Variants in SSBP2 observed in about 807,000 individuals in gnomAD.
SSBP2 encodes single stranded DNA binding protein 2.
A neutral mutation model predicts 61.8 loss-of-function variants in SSBP2; 17 were observed. The observed-to-expected ratio is 0.28, with a 90% CI of 0.19 to 0.41. The LOEUF (loss-of-function observed/expected upper bound fraction) is 0.41, where lower values mean the gene tolerates loss of function less well. Among genes scored for constraint, SSBP2 ranks in the 10% least tolerant of loss-of-function variants. SSBP2 has a pLI of 1.00. For missense variants in SSBP2, 310 were observed against 458.7 expected (o/e 0.68, Z 2.96); for synonymous variants, 139 against 141.3 (o/e 0.98, Z 0.12).
chr5:81,527,076 C>T (rs887460226), intron 4 of SSBP2, among the ~76,000 whole-genome samples: 9 of 151,724 alleles, frequency 5.9e-5, no homozygotes, highest in African/African-American at 1.5e-4. Flanking sequence ...TGACAGAATA[C>T]AAGATATATT....
intron 4 of SSBP2, among the ~76,000 whole-genome samples, chr5:81,577,143 G>C (rs1039625385): frequency 6.6e-6 from 1 of 152,018 alleles, no homozygotes; most frequent in South Asian, 2.1e-4. Context: ...TATGAGCCGT[G>C]TGTAATCAAT....
chr5:81,659,443 G>C (rs1412015299), intron 1 of SSBP2, among the ~76,000 whole-genome samples: 1 of 151,966 alleles, frequency 6.6e-6, no homozygotes, highest in Admixed American at 6.6e-5. Flanking sequence ...AAAATACCTA[G>C]GAATACAACT....
intron 4 of SSBP2, among the ~76,000 whole-genome samples, chr5:81,564,685 T>A (rs1047639816): frequency 2.6e-5 from 4 of 152,234 alleles, no homozygotes; most frequent in Non-Finnish European, 5.9e-5. Flanking sequence ...AGGGTTAGTC[T>A]TGTAGTCAGC....
intron 4 of SSBP2, among the ~76,000 whole-genome samples, chr5:81,552,080 T>C (rs972806888): frequency 2.6e-5 from 4 of 152,254 alleles, no homozygotes; most frequent in Non-Finnish European, 4.4e-5. Context: ...ATATTGGATA[T>C]GGCTTATTTT....
intron 2 of SSBP2, among the ~76,000 whole-genome samples, chr5:81,648,630 A>AG (rs1335375984): frequency 6.6e-6 from 1 of 152,144 alleles, no homozygotes; most frequent in African/African-American, 2.4e-5. Context: ...GATTTCAAGC[A>AG]GCACTGTCCA....
Position 81,641,203 on chromosome 5 carries a change from C to T in SSBP2, c.136-4585G>A, listed in dbSNP as rs190791390. Among the ~76,000 whole-genome samples, 244 of 152,262 alleles carry T rather than the reference C, an allele frequency of 1.6e-3. 3 individuals carry two copies. The Middle Eastern group carries it at 0.048, about 30-fold the overall frequency. On this transcript the variant is annotated intron_variant, in intron 2 of 16. Coordinates refer to ENST00000320672, the MANE Select transcript of SSBP2 (RefSeq NM_012446.5). Reference sequence around the variant, plus strand: ...TCCCCTCATGCACTTCCACAACTTCCACAGTCCATCTCCAGCTGTCTCGGG... The same window carrying T: ...TCCCCTCATGCACTTCCACAACTTCTACAGTCCATCTCCAGCTGTCTCGGG...
chr5:81,728,031 G>C (rs1007172858), intron 1 of SSBP2, among the ~76,000 whole-genome samples: 2 of 152,134 alleles, frequency 1.3e-5, no homozygotes, highest in Non-Finnish European at 2.9e-5. Flanking sequence ...CATATTCAAG[G>C]ACTGAAAGAA....
intron 1 of SSBP2, among the ~76,000 whole-genome samples, chr5:81,654,088 C>T (rs1227712536): frequency 2.6e-5 from 4 of 151,796 alleles, no homozygotes; most frequent in African/African-American, 9.7e-5. Flanking sequence ...CTCAGCCTCC[C>T]GAGCAGCTTG....
chr5:81,470,466 C>T (rs1174030866), intron 8 of SSBP2, among the ~76,000 whole-genome samples: 2 of 150,888 alleles, frequency 1.3e-5, no homozygotes, highest in South Asian at 4.2e-4. Context: ...TTGGGGCAAA[C>T]CTTTATTTCT....
chr5:81,721,041 A>G (rs1297848145), intron 1 of SSBP2, among the ~76,000 whole-genome samples: 1 of 152,200 alleles, frequency 6.6e-6, no homozygotes, highest in Non-Finnish European at 1.5e-5. Context: ...TTAAAAACAA[A>G]ACTAAATGGA....
intron 5 of SSBP2, among the ~76,000 whole-genome samples, chr5:81,505,093 C>T (rs1768079209): frequency 6.6e-6 from 1 of 152,234 alleles, no homozygotes; most frequent in Non-Finnish European, 1.5e-5. Flanking sequence ...TTATCACATT[C>T]ATGTAGAACA....
chr5:81,449,989 G>A (rs777468145), intron 10 of SSBP2, among the ~76,000 whole-genome samples: 16 of 152,060 alleles, frequency 1.1e-4, no homozygotes, highest in Non-Finnish European at 2.2e-4. Flanking sequence ...TTGCTCTCTT[G>A]GGTCCCTTTC....
At chr5:81,675,513 C>G (rs536478203) in intron 1 of SSBP2, among the ~76,000 whole-genome samples, 1 of 152,256 alleles carries the variant, frequency 6.6e-6, no homozygotes, top group East Asian at 1.9e-4. Context: ...GAATAGATAC[C>G]TAGACAGCTT....
intron 4 of SSBP2, among the ~76,000 whole-genome samples, chr5:81,526,016 A>T (rs1225317899): frequency 6.6e-6 from 1 of 152,066 alleles, no homozygotes; most frequent in Non-Finnish European, 1.5e-5. Context: ...TTCCAGGAAG[A>T]AGGTCATCAC....
intron 1 of SSBP2, among the ~76,000 whole-genome samples, chr5:81,705,734 A>G (rs1272174042): frequency 6.6e-6 from 1 of 152,222 alleles, no homozygotes; most frequent in Non-Finnish European, 1.5e-5. Flanking sequence ...TTATTTGACT[A>G]TGAATACTGG....
intron 1 of SSBP2, among the ~76,000 whole-genome samples, chr5:81,739,491 T>C (rs1286935744): frequency 6.6e-6 from 1 of 152,196 alleles, no homozygotes; most frequent in Non-Finnish European, 1.5e-5. Context: ...CACAGAACCT[T>C]CTGCATACCC....
intron 1 of SSBP2, among the ~76,000 whole-genome samples, chr5:81,694,905 C>T (rs1753487977): frequency 6.6e-6 from 1 of 152,150 alleles, no homozygotes; most frequent in East Asian, 1.9e-4. Flanking sequence ...CTCAGGAAGG[C>T]AGGAGGATTG....
At chr5:81,703,403 C>T (rs425897) in intron 1 of SSBP2, among the ~76,000 whole-genome samples, 84,181 of 151,778 alleles carry the variant, frequency 0.55, 25,040 homozygotes, top group African/African-American at 0.73. Context: ...CACTCAAAAT[C>T]GGGCATTGGA....
At chr5:81,726,713 T>C (rs1755912233) in intron 1 of SSBP2, among the ~76,000 whole-genome samples, 1 of 152,162 alleles carries the variant, frequency 6.6e-6, no homozygotes, top group African/African-American at 2.4e-5. Context: ...CCAGTCACAC[T>C]AGTCCTCCCT....
Sources: gnomAD v4.1 joint callset for allele counts (sites outside exome capture counted in the v4.1 genomes callset) on GRCh38, gnomAD v4.1.1 for gene constraint, MANE v1.5 for transcripts, NCBI Gene and HGNC (gene_info 2026-07-23, HGNC 2026-07-21) for gene names.